UPB1: variants seen among roughly 807,000 people sequenced by gnomAD.
UPB1 encodes beta-ureidopropionase.
In UPB1, 40 loss-of-function variants were observed where a neutral mutation model predicts 49.1. The observed-to-expected ratio is 0.81, with a 90% CI of 0.63 to 1.06. The LOEUF (loss-of-function observed/expected upper bound fraction) is 1.06, where lower values mean the gene tolerates loss of function less well. UPB1 is among the 50% of genes least tolerant of loss of function. UPB1 has a pLI of 0.00. For missense variants in UPB1, 499 were observed against 505.9 expected, an observed-to-expected ratio of 0.99 and a Z score of 0.13; for synonymous variants, 207 against 198.2, an observed-to-expected ratio of 1.04 and a Z score of -0.38.
intron 7 of UPB1, 118 bp downstream of exon 7, chr22:24,520,586 C>A: frequency 8.7e-7 from 1 of 1,150,782 alleles, no homozygotes; most frequent in Non-Finnish European, 1.3e-6. Context: ...GTAAAACTGG[C>A]TTGGTCCGTT....
chr22:24,507,235 T>G (rs2044106758), intron 3 of UPB1, among the ~76,000 whole-genome samples: 1 of 152,210 alleles, frequency 6.6e-6, no homozygotes, highest in South Asian at 2.1e-4. Flanking sequence ...AGCATTTGTG[T>G]TTTCAACAGC....
At chr22:24,502,842 C>T (rs1165341925) in intron 3 of UPB1, 4 of 334,568 alleles carry the variant, frequency 1.2e-5, no homozygotes, top group South Asian at 4.2e-5. Context: ...CCTGGCCCTT[C>T]GACATACATG....
At chr22:24,515,602 C>CTTT (rs2044280836) in intron 6 of UPB1, among the ~76,000 whole-genome samples, 1 of 152,246 alleles carries the variant, frequency 6.6e-6, no homozygotes, top group African/African-American at 2.4e-5. Flanking sequence ...TACAGTAAAA[C>CTTT]ACCAACCTCT....
At position 24,525,863 on chromosome 22, in the gene UPB1, C is replaced by T; in HGVS notation, c.*69C>T. The T allele has an allele frequency of 2.5e-6, 4 of 1,575,340 alleles. No individual in the cohort carries two copies. Among genetic ancestry groups the T allele is most frequent in the Non-Finnish European group, 2.6e-6 (3 of 1,145,422 alleles). ...CCAGTGGATTAGCAAGTGTGGCAGG[C>T]TTAACATGTCCAGGTTCTCCCCAAT... On this transcript the variant is annotated 3_prime_UTR_variant, in exon 10 of 10. Coordinates refer to ENST00000326010, the MANE Select transcript of UPB1 (RefSeq NM_016327.3).
chr22:24,514,380 A>G lies in UPB1; in HGVS notation c.622-821A>G, dbSNP rs73398395. On this transcript the variant is annotated intron_variant, in intron 5 of 9. Transcript: ENST00000326010. ...CTGGGATTAATCTTTAGCTCCCTGC[A>G]GATAGCACAGGGCTTGTCTCAGCAC... 7.6e-3 allele frequency among the ~76,000 whole-genome samples: 1,155 copies of G among 152,304 alleles called. 17 individuals are homozygous for G. Among genetic ancestry groups the G allele is most frequent in the African/African-American group, 0.026 (1,101 of 41,556 alleles).
chr22:24,517,461 T>G (rs1427647631), intron 6 of UPB1, among the ~76,000 whole-genome samples: 1 of 152,198 alleles, frequency 6.6e-6, no homozygotes, highest in Non-Finnish European at 1.5e-5. Context: ...ATCTTCCCAC[T>G]GGGGTCCCTA....
In UPB1 at chr22:24,495,471, A is replaced by G. The variant is rs771267379; in HGVS notation, c.68A>G (p.Gln23Arg). 1 of 1,614,098 alleles carries G rather than the reference A, an allele frequency of 6.2e-7. No homozygotes were observed. The highest frequency in any genetic ancestry group is 1.1e-5 in the South Asian group (1 of 91,088). The change falls in exon 1 of 10, where the codon CAG (glutamine) becomes CGG (arginine). Residue 23 changes from glutamine (Q) to arginine (R), a missense_variant. Gln to Arg is a conservative substitution (Grantham distance 43). Coordinates refer to ENST00000326010, the MANE Select transcript of UPB1 (RefSeq NM_016327.3). ...LEKHLPLPDL[Q>R]EVKRVLYGKE... ...AAGCACCTGCCGCTCCCCGACTTGC[A>G]GGAAGTGAAGCGCGTTCTCTATGGC...
chr22:24,517,056 G>A (rs1194225472), intron 6 of UPB1, among the ~76,000 whole-genome samples: 2 of 152,144 alleles, frequency 1.3e-5, no homozygotes, highest in African/African-American at 4.8e-5. Context: ...AAACGTCAGG[G>A]TGTGACATTT....
intron 3 of UPB1, among the ~76,000 whole-genome samples, chr22:24,509,032 G>C (rs891804159): frequency 6.6e-6 from 1 of 152,128 alleles, no homozygotes; most frequent in African/African-American, 2.4e-5. Context: ...CAAAGGGTAT[G>C]AACAAAAAAA....
intron 4 of UPB1, among the ~76,000 whole-genome samples, chr22:24,512,729 T>C (rs2044227989): frequency 6.6e-6 from 1 of 152,186 alleles, no homozygotes; most frequent in South Asian, 2.1e-4. Flanking sequence ...AATATTATAG[T>C]TTCCATTTCT....
At position 24,520,427 on chromosome 22, in the gene UPB1, G is replaced by A; in HGVS notation, c.832G>A (p.Ala278Thr). 1.9e-6 allele frequency: 3 copies of A among 1,614,146 alleles called. No homozygotes were observed. Among genetic ancestry groups the A allele is most frequent in the Non-Finnish European group, 2.5e-6 (3 of 1,180,022 alleles). The change falls in exon 7 of 10, where the codon GCC becomes ACC. Residue 278 changes from alanine (A) to threonine (T), a missense_variant. Coordinates refer to ENST00000326010, the MANE Select transcript of UPB1 (RefSeq NM_016327.3). The part of the protein sequence containing the change: ...WPIEARNAAI[A>T]NHCFTCAINR... ...CATCGAGGCCAGAAACGCAGCCATT[G>A]CCAATCACTGCTTCACCTGCGCCAT... is the stretch of plus-strand genomic sequence containing the variant.
At chr22:24,518,702 T>C (rs1350640862) in intron 6 of UPB1, among the ~76,000 whole-genome samples, 2 of 152,182 alleles carry the variant, frequency 1.3e-5, no homozygotes, top group Admixed American at 6.5e-5. Flanking sequence ...TCTAAGTACA[T>C]AGTAGTGTCT....
chr22:24,521,172 ACT>A (rs1353870169), intron 7 of UPB1, among the ~76,000 whole-genome samples: 1 of 113,346 alleles, frequency 8.8e-6, no homozygotes, highest in Non-Finnish European at 1.7e-5. Context: ...ACAGAGTGAG[ACT>A]CTGTCAAAAA....
At chr22:24,500,319 T>G (rs373835240) in intron 2 of UPB1, 41 bp downstream of exon 2, 1 of 1,611,676 alleles carries the variant, frequency 6.2e-7, no homozygotes, top group Non-Finnish European at 8.5e-7. Flanking sequence ...CAAACAGGGT[T>G]GTGGCCTGCC....
At chr22:24,519,409 A>T (rs1266172077) in intron 6 of UPB1, among the ~76,000 whole-genome samples, 1 of 152,160 alleles carries the variant, frequency 6.6e-6, no homozygotes, top group East Asian at 1.9e-4. Flanking sequence ...GATGTTCCTC[A>T]GACAAAAGAT....
At chr22:24,505,272 C>T (rs527497045) in intron 3 of UPB1, among the ~76,000 whole-genome samples, 10 of 152,136 alleles carry the variant, frequency 6.6e-5, no homozygotes, top group African/African-American at 2.4e-4. Context: ...TTCCAAGAGT[C>T]CTTATTCCAA....
chr22:24,517,954 C>G (rs2044325515), intron 6 of UPB1, among the ~76,000 whole-genome samples: 1 of 152,184 alleles, frequency 6.6e-6, no homozygotes, highest in South Asian at 2.1e-4. Flanking sequence ...CACTTGAGGT[C>G]AGGAGTTTGA....
chr22:24,497,578 C>G (rs1198446641), intron 1 of UPB1, among the ~76,000 whole-genome samples: 1 of 152,124 alleles, frequency 6.6e-6, no homozygotes, highest in African/African-American at 2.4e-5. Context: ...AAGGGCTTTA[C>G]TCCTTGAAGT....
At chr22:24,525,648 C>T (rs1274146386) in intron 9 of UPB1, 63 bp from the exon 10 acceptor site, 44 of 1,594,336 alleles carry the variant, frequency 2.8e-5, no homozygotes, top group Middle Eastern at 1.7e-4. Flanking sequence ...GAGGTGGTGG[C>T]GTGTAAGTGA....
Sources: gnomAD v4.1 joint callset for allele counts (sites outside exome capture counted in the v4.1 genomes callset) on GRCh38, gnomAD v4.1.1 for gene constraint, MANE v1.5 for transcripts, NCBI Gene and HGNC (gene_info 2026-07-23, HGNC 2026-07-21) for gene names.